FAM149A: variants seen among roughly 807,000 people sequenced by gnomAD.
The protein encoded by FAM149A is protein FAM149A.
A neutral mutation model predicts 78.2 loss-of-function variants in FAM149A; 71 were observed. The observed-to-expected ratio is 0.91, with a 90% CI of 0.75 to 1.11. The LOEUF is 1.11. FAM149A is among the 50% of genes least tolerant of loss of function. The pLI, the probability that FAM149A is intolerant of heterozygous loss-of-function variation, is 0.00. For synonymous variants in FAM149A, 446 were observed against 410.5 expected (o/e 1.09, Z -1.04); for missense variants, 1,036 against 971.0 (o/e 1.07, Z -0.89).
rs1459439629 is a variant in FAM149A at position 186,105,456 on chromosome 4, C to T, written c.380C>T (p.Ala127Val). ...TCCCCTGCTCGCCTGGTGGTCCCAG[C>T]GCGGCCGCCCTCGGGCCCCGGCGGG... Residue 127 changes from alanine to valine, a missense_variant, in exon 1 of 14, where the codon GCG becomes GTG. Transcript: ENST00000389354. 1.6e-6 allele frequency: 2 copies of T among 1,214,574 alleles called. No homozygotes were observed. Among genetic ancestry groups the T allele is most frequent in the Non-Finnish European group, 2.1e-6 (2 of 958,142 alleles). 75.2% of individuals were successfully genotyped at this position (1,214,574 alleles called of 1,614,324 possible).
At chr4:186,111,022 G>GAAA (rs1223834446) in intron 1 of FAM149A, among the ~76,000 whole-genome samples, 1 of 130,274 alleles carries the variant, frequency 7.7e-6, no homozygotes, top group Non-Finnish European at 1.6e-5. Flanking sequence ...CAGTGTAAAA[G>GAAA]TGTTCCTATT....
intron 1 of FAM149A, chr4:186,109,867 T>C (rs1472537620): frequency 1.0e-6 from 1 of 985,300 alleles, no homozygotes; most frequent in Non-Finnish European, 1.2e-6. Flanking sequence ...TCTTTCATCA[T>C]TACCTTCCCT....
chr4:186,131,931 G>A (rs2099320897), intron 1 of FAM149A: 2 of 985,308 alleles, frequency 2.0e-6, no homozygotes, highest in Admixed American at 6.1e-5. Context: ...TGTAAGGCCA[G>A]CTAGCCCTTT....
chr4:186,126,029 T>G, intron 1 of FAM149A: 1 of 985,400 alleles, frequency 1.0e-6, no homozygotes, highest in East Asian at 1.1e-4. Context: ...CCTTCCTCCC[T>G]TATATTCCTG....
chr4:186,150,151 A>G lies in FAM149A; in HGVS notation c.789+447A>G, dbSNP rs185425476. Reference sequence around the variant, plus strand: ...CCGCTGGGGGCGCTGTTGCCTCTGAACTGCTTTTGTCTGTGTGAGCCTGGG... The same window carrying G: ...CCGCTGGGGGCGCTGTTGCCTCTGAGCTGCTTTTGTCTGTGTGAGCCTGGG... On this transcript the variant is annotated intron_variant, in intron 3 of 13. Transcript: ENST00000389354. 2.8e-3 allele frequency among the ~76,000 whole-genome samples: 430 copies of G among 152,156 alleles called. 3 individuals are homozygous for G. Among genetic ancestry groups the G allele is most frequent in the African/African-American group, 9.9e-3 (412 of 41,522 alleles).
At chr4:186,153,281 G>T (rs1234200815) in intron 4 of FAM149A, 1 of 954,834 alleles carries the variant, frequency 1.0e-6, no homozygotes, top group Non-Finnish European at 1.2e-6. Flanking sequence ...GTTTAACTGT[G>T]TATTAGTTAA....
rs142363212 is a variant in FAM149A, at chr4:186,162,932, T to C, written c.1663T>C (p.Phe555Leu). ...ACCGCTTCAGCGGAGACCTGCCTAT[T>C]TTGCTGACAGAACGCAGTACGTATC... The change falls in exon 9 of 14, where the codon TTT (phenylalanine) becomes CTT (leucine). Residue 555 changes from phenylalanine (F) to leucine (L), a missense_variant. Coordinates refer to ENST00000389354, the MANE Select transcript of FAM149A (RefSeq NM_001367768.3). The C allele has an allele frequency of 2.9e-4, 467 of 1,607,294 alleles. 2 individuals carry two copies. The African/African-American group carries it at 4.8e-3, about 17-fold the overall frequency.
chr4:186,130,287 C>CTATATATA (rs1324375458), intron 1 of FAM149A: 10 of 38,214 alleles, frequency 2.6e-4, no homozygotes, highest in Admixed American at 6.7e-4. Flanking sequence ...CTCTCTCTCT[C>CTATATATA]TCTCTCTATA....
At chr4:186,131,274 T>G (rs2099320618) in intron 1 of FAM149A, among the ~76,000 whole-genome samples, 1 of 151,794 alleles carries the variant, frequency 6.6e-6, no homozygotes, top group Admixed American at 6.6e-5. Flanking sequence ...CTTGAACCCA[T>G]GAGGCAGAGG....
chr4:186,165,375 C>T lies in FAM149A; in HGVS notation c.1921C>T (p.Leu641=). ...TGGCGTGGACCACATGGCTTCCCCA[C>T]TGGTTCAAACGTCACGGAGCAGGTT... is the stretch of plus-strand genomic sequence containing the variant. The change falls in exon 11 of 14, where the codon CTG becomes TTG. Residue 641 remains leucine, a synonymous_variant. Coordinates refer to ENST00000389354, the MANE Select transcript of FAM149A (RefSeq NM_001367768.3). 1 of 1,614,176 alleles carries T rather than the reference C, an allele frequency of 6.2e-7. No individual in the cohort carries two copies. Among genetic ancestry groups the T allele is most frequent in the Middle Eastern group, 1.6e-4 (1 of 6,062 alleles).
At chr4:186,113,551 G>A (rs202176582) in intron 1 of FAM149A, among the ~76,000 whole-genome samples, 119,576 of 121,292 alleles carry the variant, frequency 0.99, 59,006 homozygotes, top group Non-Finnish European at 1. Context: ...ATTTCCCTCT[G>A]CACACTGCTT....
chr4:186,138,456 G>A (rs763436129), intron 1 of FAM149A, among the ~76,000 whole-genome samples: 19 of 152,150 alleles, frequency 1.2e-4, no homozygotes, highest in Non-Finnish European at 2.5e-4. Context: ...ATGATGGAGG[G>A]TCATCTGCTT....
chr4:186,105,151 C>A lies in FAM149A; in HGVS notation c.75C>A (p.Gly25=), dbSNP rs1236292801. 2 of 1,280,122 alleles carry A rather than the reference C, an allele frequency of 1.6e-6. No homozygotes were observed. The highest frequency in any genetic ancestry group is 2.0e-6 in the Non-Finnish European group (2 of 984,864). 79.3% of individuals were successfully genotyped at this position (1,280,122 alleles called of 1,614,324 possible). Residue 25 remains glycine (G), a synonymous_variant, in exon 1 of 14, where the codon GGC becomes GGA. Coordinates refer to ENST00000389354, the MANE Select transcript of FAM149A (RefSeq NM_001367768.3). ...AGACCTCGACGGCGCCCCCCGCAGG[C>A]CCCTCCTCCAGACCCTCGGGAGGTG... is the stretch of plus-strand genomic sequence containing the variant.
chr4:186,105,541 C>T lies in FAM149A; in HGVS notation c.465C>T (p.Gly155=), dbSNP rs1324092232. The change falls in exon 1 of 14, where the codon GGC becomes GGT. Residue 155 remains glycine (G), a synonymous_variant. Transcript: ENST00000389354. ...CTGGCCCCGGAGAGCGAGAGCTCGG[C>T]GCCTGCGTGGCCCCCGGGGCTGGCC... is the stretch of plus-strand genomic sequence containing the variant. 2 of 1,138,886 alleles carry T rather than the reference C, an allele frequency of 1.8e-6. No individual in the cohort carries two copies. Among genetic ancestry groups the T allele is most frequent in the East Asian group, 2.0e-4 (2 of 9,828 alleles). The allele number at this position is 1,138,886 out of a possible 1,614,324, so 70.5% of individuals were successfully genotyped here.
At chr4:186,136,978 C>CTCTCTCTCTCTCTCTCTCTT (rs2099323350) in intron 1 of FAM149A, among the ~76,000 whole-genome samples, 3 of 110,406 alleles carry the variant, frequency 2.7e-5, no homozygotes, top group African/African-American at 1.1e-4. Flanking sequence ...CTCTCTCTTT[C>CTCTCTCTCTCTCTCTCTCTT]TCTCTCTCTC....
intron 1 of FAM149A, among the ~76,000 whole-genome samples, chr4:186,106,775 G>C (rs2099308933): frequency 6.6e-6 from 1 of 151,976 alleles, no homozygotes; most frequent in Admixed American, 6.6e-5. Flanking sequence ...ATGAAACCCC[G>C]TCTCTACTAA....
intron 1 of FAM149A, chr4:186,127,171 C>A (rs1157548530): frequency 1.0e-6 from 1 of 980,512 alleles, no homozygotes; most frequent in African/African-American, 1.8e-5. Flanking sequence ...CACCTCTCGC[C>A]AACTCCACCC....
At chr4:186,150,499 A>C (rs1579879269) in intron 3 of FAM149A, among the ~76,000 whole-genome samples, 1 of 122,716 alleles carries the variant, frequency 8.1e-6, no homozygotes, top group Non-Finnish European at 1.6e-5. Context: ...GGCTCACTGC[A>C]AGCTCCGCCT....
intron 4 of FAM149A, among the ~76,000 whole-genome samples, chr4:186,152,862 C>T (rs746257714): frequency 2.0e-5 from 3 of 152,230 alleles, no homozygotes; most frequent in South Asian, 2.1e-4. Context: ...GCTTATCTTT[C>T]AGTCACTCAG....
Sources: gnomAD v4.1 joint callset for allele counts (sites outside exome capture counted in the v4.1 genomes callset) on GRCh38, gnomAD v4.1.1 for gene constraint, MANE v1.5 for transcripts, NCBI Gene and HGNC (gene_info 2026-07-23, HGNC 2026-07-21) for gene names.